The following RHPN2 variants were observed in gnomAD, a reference collection of about 807,000 sequenced individuals.
RHPN2 encodes the protein rhophilin-2.
A neutral mutation model predicts 79.0 loss-of-function variants in RHPN2; 40 were observed. That is an observed-to-expected ratio of 0.51 (90% confidence interval 0.39 to 0.66). RHPN2 has a LOEUF of 0.66. Ranked by LOEUF, RHPN2 falls within the 30% of genes least tolerant of loss-of-function variation. The pLI, the probability that RHPN2 is intolerant of heterozygous loss-of-function variation, is 0.00. For synonymous variants in RHPN2, 285 were observed against 363.5 expected, an observed-to-expected ratio of 0.78 and a Z score of 2.46; for missense variants, 686 against 883.5, an observed-to-expected ratio of 0.78 and a Z score of 2.83.
intron 1 of RHPN2, among the ~76,000 whole-genome samples, chr19:33,050,789 CT>C (rs1972180518): frequency 2.0e-5 from 3 of 152,130 alleles, no homozygotes; most frequent in Non-Finnish European, 2.9e-5. Flanking sequence ...AGCGATTCTC[CT>C]GCCTCAGCCT....
intron 2 of RHPN2, among the ~76,000 whole-genome samples, chr19:33,038,650 A>C (rs1288851541): frequency 6.8e-6 from 1 of 147,366 alleles, no homozygotes; most frequent in Non-Finnish European, 1.5e-5. Context: ...CACCACACCC[A>C]GCTAATTTTC....
intron 14 of RHPN2, among the ~76,000 whole-genome samples, chr19:32,987,577 C>T (rs1033691226): frequency 5.9e-5 from 9 of 152,216 alleles, no homozygotes; most frequent in Admixed American, 4.6e-4. Flanking sequence ...TCCTTTCCTC[C>T]GACATCTCTG....
chr19:33,053,372 A>T (rs1415921120), intron 1 of RHPN2, among the ~76,000 whole-genome samples: 1 of 150,794 alleles, frequency 6.6e-6, no homozygotes, highest in East Asian at 2.0e-4. Context: ...CAGACCAATG[A>T]TCTGCTTATT....
At chr19:33,040,854 T>A (rs1268952961) in intron 2 of RHPN2, among the ~76,000 whole-genome samples, 1 of 152,064 alleles carries the variant, frequency 6.6e-6, no homozygotes, top group Non-Finnish European at 1.5e-5. Flanking sequence ...CTCGGGAGGC[T>A]GAGGCACAAG....
At chr19:33,036,411 C>G (rs1332115910) in intron 2 of RHPN2, among the ~76,000 whole-genome samples, 2 of 152,144 alleles carry the variant, frequency 1.3e-5, no homozygotes, top group Non-Finnish European at 2.9e-5. Context: ...GAGGCTAAGG[C>G]AGGAGGATCA....
At chr19:32,981,945 A>G (rs1284867797) in intron 14 of RHPN2, among the ~76,000 whole-genome samples, 1 of 152,042 alleles carries the variant, frequency 6.6e-6, no homozygotes, top group Non-Finnish European at 1.5e-5. Flanking sequence ...AATCTAAGGA[A>G]GCTTGCTTTC....
In RHPN2 at chr19:32,979,960, A is replaced by C. The variant is rs1971559999; in HGVS notation, c.*36T>G. The stretch of plus-strand genomic sequence containing the variant: ...ACGTTTAAGGCCGAGTCAGCACCGG[A>C]AATGTTCAGGGCCTGAACATGTTTG... On this transcript the variant is annotated 3_prime_UTR_variant, in exon 15 of 15. Coordinates refer to ENST00000254260, the MANE Select transcript of RHPN2 (RefSeq NM_033103.5). 9 of 1,612,906 alleles carry C rather than the reference A, an allele frequency of 5.6e-6. No individual in the cohort carries two copies. The highest frequency in any genetic ancestry group is 7.6e-6 in the Non-Finnish European group (9 of 1,179,052).
chr19:33,023,707 C>A (rs532430352), intron 3 of RHPN2, among the ~76,000 whole-genome samples: 1 of 151,360 alleles, frequency 6.6e-6, no homozygotes, highest in African/African-American at 2.4e-5. Flanking sequence ...ATGGTGTGAA[C>A]CCGGGAGGCA....
chr19:33,021,054 GA>G (rs1158179207), intron 4 of RHPN2, among the ~76,000 whole-genome samples: 1 of 151,958 alleles, frequency 6.6e-6, no homozygotes, highest in African/African-American at 2.4e-5. Context: ...TATGATTTAA[GA>G]AAAAAATACA....
chr19:32,981,692 T>C (rs537228958), intron 14 of RHPN2, among the ~76,000 whole-genome samples: 8 of 109,710 alleles, frequency 7.3e-5, no homozygotes, highest in African/African-American at 2.9e-4. Context: ...TCTTTTTTTC[T>C]TTTTTTTCTT....
intron 5 of RHPN2, 23 bp from the exon 6 acceptor site, chr19:33,011,826 G>A: frequency 6.2e-7 from 1 of 1,613,876 alleles, no homozygotes; most frequent in Non-Finnish European, 8.5e-7. Flanking sequence ...GAACCCAAGA[G>A]GGCATGAGCA....
At chr19:32,987,584 TC>T (rs1268132356) in intron 14 of RHPN2, among the ~76,000 whole-genome samples, 7 of 152,196 alleles carry the variant, frequency 4.6e-5, no homozygotes, top group African/African-American at 1.7e-4. Flanking sequence ...CTCCGACATC[TC>T]TGAACTCTCC....
At chr19:32,984,988 C>T (rs927510195) in intron 14 of RHPN2, among the ~76,000 whole-genome samples, 5 of 150,358 alleles carry the variant, frequency 3.3e-5, no homozygotes. Flanking sequence ...CGCCTATAGT[C>T]CCAGCTACTT....
At position 32,995,258 on chromosome 19, in the gene RHPN2, G is replaced by T. The variant is rs576554724; in HGVS notation, c.1420+768C>A. Among the ~76,000 whole-genome samples, 194 of 151,662 alleles carry T rather than the reference G, an allele frequency of 1.3e-3. 2 individuals carry two copies. The highest frequency in any genetic ancestry group is 4.5e-3 in the African/African-American group (188 of 41,378). On this transcript the variant is annotated intron_variant, in intron 11 of 14. Transcript: ENST00000254260. ...TGATGAATTTTTTTTTTAATTTTTTGTAGAGATGGGGTCTCACTATGTTGC... is the reference window on the plus strand; with the variant it reads ...TGATGAATTTTTTTTTTAATTTTTTTTAGAGATGGGGTCTCACTATGTTGC...
chr19:33,044,265 C>T lies in RHPN2; in HGVS notation c.169G>A (p.Ala57Thr). ...ILKAVRMRTGAENLLKVATNS... is the reference protein window; with the variant it reads ...ILKAVRMRTGTENLLKVATNS... ...GACACCTACTTCAGAAGGTTTTCCG[C>T]TCCGGTCCTCATCCGCACGGCTTTC... The change falls in exon 2 of 15, where the codon GCG becomes ACG. Residue 57 changes from alanine to threonine, a missense_variant. Physicochemically the swap from Ala to Thr is moderately conservative, Grantham distance 58. Transcript: ENST00000254260. 4 of 1,613,926 alleles carry T rather than the reference C, an allele frequency of 2.5e-6. No homozygotes were observed. The highest frequency in any genetic ancestry group is 3.4e-6 in the Non-Finnish European group (4 of 1,179,926).
At chr19:32,993,830 C>T (rs188152064) in intron 12 of RHPN2, 147 bp downstream of exon 12, 9 of 676,676 alleles carry the variant, frequency 1.3e-5, no homozygotes, top group Middle Eastern at 5.1e-4. Flanking sequence ...TCCCAGCCTC[C>T]GGAACTAAGA....
chr19:32,996,886 AT>A (rs1308010514), intron 10 of RHPN2, among the ~76,000 whole-genome samples: 7 of 151,638 alleles, frequency 4.6e-5, no homozygotes, highest in Admixed American at 3.3e-4. Flanking sequence ...TTAAAATATT[AT>A]TTTTTTCATT....
At chr19:33,017,554 T>C (rs1971887826) in intron 4 of RHPN2, among the ~76,000 whole-genome samples, 2 of 151,838 alleles carry the variant, frequency 1.3e-5, no homozygotes. Flanking sequence ...ATTACACATA[T>C]ATTTTAAATA....
At chr19:33,061,225 CTTTTTTTTT>C in intron 1 of RHPN2, among the ~76,000 whole-genome samples, 2 of 120,596 alleles carry the variant, frequency 1.7e-5, no homozygotes, top group South Asian at 2.8e-4. Flanking sequence ...ACCTGCCTTT[CTTTTTTTTT>C]TTTTTTTTTT....
Sources: allele counts gnomAD v4.1 joint callset (sites outside exome capture counted in the v4.1 genomes callset), GRCh38; gene constraint gnomAD v4.1.1; transcripts MANE v1.5; gene names NCBI Gene and HGNC (gene_info 2026-07-23, HGNC 2026-07-21).